Variants in PIWIL2 observed in about 807,000 individuals in gnomAD.
PIWIL2 encodes piwi-like protein 2.
Under a neutral mutation model 116.5 loss-of-function variants are expected in PIWIL2, and 81 were observed. That is an observed-to-expected ratio of 0.70 (90% CI 0.58 to 0.84). The LOEUF (loss-of-function observed/expected upper bound fraction) is 0.84. PIWIL2 is among the 40% of genes least tolerant of loss of function. The pLI, the probability that PIWIL2 is intolerant of heterozygous loss-of-function variation, is 0.00. For synonymous variants in PIWIL2, 489 were observed against 429.5 expected (o/e 1.14, Z -1.71); for missense variants, 1,272 against 1,212.3 (o/e 1.05, Z -0.73).
chr8:22,281,317 A>AT, intron 3 of PIWIL2, 60 bp from the exon 4 acceptor site: 3 of 1,567,676 alleles, frequency 1.9e-6, no homozygotes, highest in South Asian at 2.4e-5. Context: ...AAAAAAAAAA[A>AT]CTATACTTTA....
chr8:22,279,515 A>G lies in PIWIL2; in HGVS notation c.129A>G (p.Ala43=), dbSNP rs771710617. 1.9e-6 allele frequency: 3 copies of G among 1,614,134 alleles called. No homozygotes were observed. The highest frequency in any genetic ancestry group is 2.5e-6 in the Non-Finnish European group (3 of 1,179,998). Residue 43 remains alanine (A), a synonymous_variant, in exon 2 of 23, where the codon GCA becomes GCG. Coordinates refer to ENST00000356766, the MANE Select transcript of PIWIL2 (RefSeq NM_018068.5). ...TGGACCCAGCTCTGGGCAGGGGAGCACCTGCAGGCAGAGGCCATGTATTTG... is the reference window on the plus strand; with the variant it reads ...TGGACCCAGCTCTGGGCAGGGGAGCGCCTGCAGGCAGAGGCCATGTATTTG... ...KPLDPALGRG[A]PAGRGHVFGK...
At position 22,310,077 on chromosome 8, in the gene PIWIL2, A is replaced by G; in HGVS notation, c.1800+3A>G. On this transcript the variant is annotated splice_donor_region_variant and intron_variant, in intron 15 of 22. Transcript: ENST00000356766. ...CCAGAGACCCTTCCATCTTGACTGT[A>G]AGTGATTTTTGAAGTGATAAAGAGA... 6.7e-7 allele frequency: 1 copy of G among 1,498,856 alleles called. No homozygotes were observed. The highest frequency in any genetic ancestry group is 9.3e-7 in the Non-Finnish European group (1 of 1,075,594). The allele number at this position is 1,498,856 out of a possible 1,614,324, so 92.8% of individuals were successfully genotyped here. A position where few individuals can be genotyped will look rare whatever the true frequency, so the allele number is the denominator to read the frequency against.
At chr8:22,282,622 T>C (rs1005244955) in intron 4 of PIWIL2, among the ~76,000 whole-genome samples, 3 of 151,856 alleles carry the variant, frequency 2.0e-5, no homozygotes, top group Non-Finnish European at 4.4e-5. Flanking sequence ...ATTCGTTCTA[T>C]CTCTGTCACC....
Position 22,352,988 on chromosome 8 carries a change from G to C in PIWIL2, c.2433G>C (p.Val811=). ...EVNHCLPEKI[V]VYRDGVSDGQ... ...ACCACTGTCTACCAGAGAAGATTGT[G>C]GTGTACCGTGATGGAGTGTCTGATG... The change falls in exon 21 of 23, where the codon GTG becomes GTC. Residue 811 remains valine (V), a synonymous_variant. Coordinates refer to ENST00000356766, the MANE Select transcript of PIWIL2 (RefSeq NM_018068.5). The C allele has an allele frequency of 6.2e-7, 1 of 1,613,930 alleles. No homozygotes were observed. The highest frequency in any genetic ancestry group is 8.5e-7 in the Non-Finnish European group (1 of 1,179,864).
rs138997865 is a variant in PIWIL2, at chr8:22,355,484, C to T, written c.2901C>T (p.Cys967=). ...ATCATGAACCAGCCATCCAGCTGTG[C>T]GAGAACCTGTTCTTCCTGTGACTGC... The part of the protein sequence containing the change: ...ILHHEPAIQL[C]ENLFFL Residue 967 remains cysteine, a synonymous_variant, in exon 23 of 23, where the codon TGC becomes TGT. Transcript: ENST00000356766. 127 of 1,613,964 alleles carry T rather than the reference C, an allele frequency of 7.9e-5. No individual in the cohort carries two copies. The highest frequency in any genetic ancestry group is 1.1e-4 in the African/African-American group (8 of 74,928).
At position 22,284,235 on chromosome 8, in the gene PIWIL2, C is replaced by A; in HGVS notation, c.706C>A (p.His236Asn). 8 of 1,600,948 alleles carry A rather than the reference C, an allele frequency of 5.0e-6. No homozygotes were observed. Among genetic ancestry groups the A allele is most frequent in the South Asian group, 2.2e-5 (2 of 89,352 alleles). Residue 236 changes from histidine to asparagine, a missense_variant, in exon 6 of 23, where the codon CAT becomes AAT. By Grantham distance (68) the His-to-Asn change is moderately conservative. Transcript: ENST00000356766. ...ACTGAACCTCGTCAAAATACAGTGT[C>A]ATAATGAAGCAGTTTATCAATATCA... ...LGLNLVKIQC[H>N]NEAVYQYHVT...
intron 20 of PIWIL2, among the ~76,000 whole-genome samples, chr8:22,335,964 T>C (rs562307009): frequency 2.0e-5 from 3 of 152,252 alleles, no homozygotes; most frequent in South Asian, 2.1e-4. Context: ...AATTACAATA[T>C]ATGTGCACCT....
At chr8:22,287,242 G>A (rs569805294) in intron 6 of PIWIL2, among the ~76,000 whole-genome samples, 2 of 152,262 alleles carry the variant, frequency 1.3e-5, no homozygotes, top group East Asian at 3.9e-4. Flanking sequence ...GCGAGACTCC[G>A]TCTCAAAAAC....
At chr8:22,338,261 C>T (rs1016761293) in intron 20 of PIWIL2, among the ~76,000 whole-genome samples, 2 of 152,252 alleles carry the variant, frequency 1.3e-5, no homozygotes, top group African/African-American at 4.8e-5. Flanking sequence ...CCAACAACAA[C>T]GACAACACAA....
chr8:22,323,045 C>G (rs1203899976), intron 20 of PIWIL2, among the ~76,000 whole-genome samples: 1 of 147,022 alleles, frequency 6.8e-6, no homozygotes, highest in Non-Finnish European at 1.5e-5. Flanking sequence ...TTCCGAGTAG[C>G]TGGGACCACA....
At position 22,304,769 on chromosome 8, in the gene PIWIL2, T is replaced by C. The variant is rs1168522836; in HGVS notation, c.1371-15T>C. 6.3e-7 allele frequency: 1 copy of C among 1,584,094 alleles called. No individual in the cohort carries two copies. Among genetic ancestry groups the C allele is most frequent in the South Asian group, 1.1e-5 (1 of 90,402 alleles). On this transcript the variant is annotated splice_polypyrimidine_tract_variant and intron_variant, in intron 11 of 22. Transcript: ENST00000356766. ...GCTGCTTCTGAAATTTTTTCCTGCC[T>C]CTACTCTGCTCTAGCAAAAATTATG...
intron 20 of PIWIL2, among the ~76,000 whole-genome samples, chr8:22,345,847 A>G (rs1433542154): frequency 6.6e-6 from 1 of 152,166 alleles, no homozygotes; most frequent in Non-Finnish European, 1.5e-5. Flanking sequence ...TTAAACATAA[A>G]AAAGTTTATG....
chr8:22,315,118 T>G lies in PIWIL2; in HGVS notation c.2181T>G (p.Gly727=), dbSNP rs377351307. ...ILLQINCKLG[G]ELWGVDIPLK... ...TTCAGATTAACTGTAAATTGGGTGGTGAGCTCTGGGGAGTGGATATTCCTC... is the reference window on the plus strand; with the variant it reads ...TTCAGATTAACTGTAAATTGGGTGGGGAGCTCTGGGGAGTGGATATTCCTC... The change falls in exon 18 of 23, where the codon GGT becomes GGG. Residue 727 remains glycine, a synonymous_variant. Coordinates refer to ENST00000356766, the MANE Select transcript of PIWIL2 (RefSeq NM_018068.5). 23 of 1,606,944 alleles carry G rather than the reference T, an allele frequency of 1.4e-5. No individual in the cohort carries two copies. Among genetic ancestry groups the G allele is most frequent in the Non-Finnish European group, 1.9e-5 (22 of 1,173,508 alleles).
chr8:22,349,077 C>A (rs1212537312), intron 20 of PIWIL2, among the ~76,000 whole-genome samples: 2 of 135,136 alleles, frequency 1.5e-5, no homozygotes, highest in Non-Finnish European at 3.1e-5. Flanking sequence ...GAGATGGGAT[C>A]TCACTCTGTC....
At chr8:22,307,066 T>G (rs751624565) in intron 13 of PIWIL2, among the ~76,000 whole-genome samples, 1 of 152,262 alleles carries the variant, frequency 6.6e-6, no homozygotes, top group Non-Finnish European at 1.5e-5. Context: ...TATGGTAACA[T>G]CAAATGACTA....
chr8:22,301,540 C>G (rs1399084524), intron 10 of PIWIL2, among the ~76,000 whole-genome samples: 2 of 152,036 alleles, frequency 1.3e-5, no homozygotes, highest in African/African-American at 4.8e-5. Context: ...GTGATCCCCC[C>G]GCCTCAGCCT....
At position 22,288,683 on chromosome 8, in the gene PIWIL2, A is replaced by T. The variant is rs769389219; in HGVS notation, c.986+17A>T. 6 of 1,602,178 alleles carry T rather than the reference A, an allele frequency of 3.7e-6. No homozygotes were observed. The East Asian group carries it at 8.9e-5, about 24-fold the overall frequency. ...TTTCCGTCGGTAAGAAAACAGCTGAAGTTCTATTGTCCTGTAACTTCAGTC... is the reference window on the plus strand; with the variant it reads ...TTTCCGTCGGTAAGAAAACAGCTGATGTTCTATTGTCCTGTAACTTCAGTC... On this transcript the variant is annotated intron_variant, in intron 8 of 22. Coordinates refer to ENST00000356766, the MANE Select transcript of PIWIL2 (RefSeq NM_018068.5).
intron 20 of PIWIL2, among the ~76,000 whole-genome samples, chr8:22,333,599 C>T (rs1485372462): frequency 2.0e-5 from 3 of 151,822 alleles, no homozygotes; most frequent in East Asian, 1.9e-4. Flanking sequence ...GCAACAAGAG[C>T]GAGACTCTGT....
At chr8:22,289,633 G>A (rs1185591982) in intron 8 of PIWIL2, among the ~76,000 whole-genome samples, 1 of 152,232 alleles carries the variant, frequency 6.6e-6, no homozygotes, top group South Asian at 2.1e-4. Context: ...AAGTGGAAAA[G>A]ACTGCTGTCA....
Sources: gnomAD v4.1 joint callset for allele counts (sites outside exome capture counted in the v4.1 genomes callset) on GRCh38, gnomAD v4.1.1 for gene constraint, MANE v1.5 for transcripts, NCBI Gene and HGNC (gene_info 2026-07-23, HGNC 2026-07-21) for gene names.